CREB5: variants seen among roughly 807,000 people sequenced by gnomAD.
The protein encoded by CREB5 is cAMP responsive element binding protein 5.
Under a neutral mutation model 57.1 loss-of-function variants are expected in CREB5, and 19 were observed. That is an observed-to-expected ratio of 0.33 (90% confidence interval 0.23 to 0.49). CREB5 has a LOEUF of 0.49. Ranked by LOEUF, CREB5 falls within the 20% of genes least tolerant of loss-of-function variation. The probability of loss-of-function intolerance (pLI) is 0.99; values close to 1 mark genes in which losing one functional copy is unlikely to be tolerated. For synonymous variants in CREB5, 238 were observed against 238.3 expected (o/e 1.00, Z 0.01); for missense variants, 579 against 671.6 (o/e 0.86, Z 1.52).
chr7:28,453,958 C>CTTTTTTTTTTTTTTT lies in CREB5; in HGVS notation c.4-34204_4-34203insTTTTTTTTTTTTTTT, dbSNP rs70977045. Among the ~76,000 whole-genome samples the CTTTTTTTTTTTTTTT allele has an allele frequency of 2.3e-4, 31 of 132,564 alleles. 4 individuals are homozygous for CTTTTTTTTTTTTTTT. The highest frequency in any genetic ancestry group is 2.7e-4 in the Non-Finnish European group (17 of 62,410). The allele number at this position is 132,564 out of a possible 152,430, so 87.0% of individuals were successfully genotyped here. A position where few individuals can be genotyped will look rare whatever the true frequency, so the allele number is the denominator to read the frequency against. The stretch of plus-strand genomic sequence containing the variant: ...AACTGAAAGAGACTCCTCTCCAATT[C>CTTTTTTTTTTTTTTT]TTTTTTTTTTTTTGAGATGGAGTCT... On this transcript the variant is annotated intron_variant, in intron 1 of 10. Transcript: ENST00000357727.
At position 28,664,014 on chromosome 7, in the gene CREB5, C is replaced by A. The variant is rs76863247; in HGVS notation, c.465-54739C>A. Among the ~76,000 whole-genome samples the A allele has an allele frequency of 4.0e-3, 614 of 152,264 alleles. 5 individuals carry two copies. Among genetic ancestry groups the A allele is most frequent in the African/African-American group, 0.014 (577 of 41,550 alleles). ...TGGAAAACCATACAGATTCCAGGACCCCACCTTCCCAAAGATCTCAAGTGA... is the reference window on the plus strand; with the variant it reads ...TGGAAAACCATACAGATTCCAGGACACCACCTTCCCAAAGATCTCAAGTGA... On this transcript the variant is annotated intron_variant, in intron 5 of 10. Transcript: ENST00000357727.
intron 5 of CREB5, among the ~76,000 whole-genome samples, chr7:28,579,120 C>A (rs1325423499): frequency 6.6e-6 from 1 of 152,180 alleles, no homozygotes; most frequent in East Asian, 1.9e-4. Context: ...GGGGGCCTGA[C>A]TTTTCCATCT....
intron 8 of CREB5, among the ~76,000 whole-genome samples, chr7:28,806,659 T>C (rs144551546): frequency 5.9e-5 from 9 of 152,318 alleles, no homozygotes; most frequent in African/African-American, 2.2e-4. Context: ...TCCTCCTGCA[T>C]GTAAGGATGT....
At chr7:28,512,438 A>T (rs767464645) in intron 4 of CREB5, among the ~76,000 whole-genome samples, 17 of 152,236 alleles carry the variant, frequency 1.1e-4, no homozygotes, top group Non-Finnish European at 2.1e-4. Context: ...GAAATCAAGT[A>T]GGGAAGCCCA....
At chr7:28,433,184 T>C (rs1272041235) in intron 1 of CREB5, among the ~76,000 whole-genome samples, 1 of 152,202 alleles carries the variant, frequency 6.6e-6, no homozygotes, top group Non-Finnish European at 1.5e-5. Context: ...AAAGGAATTA[T>C]TCCAACGAGT....
chr7:28,803,304 AAAG>A lies in CREB5; in HGVS notation c.703-893_703-891del, dbSNP rs148129461. ...CCATAAGAAAAATCATGGTAACAGA[AAAG>A]ACCTACACATTACCTCCGAAGCTTG... On this transcript the variant is annotated intron_variant, in intron 7 of 10. Transcript: ENST00000357727. Among the ~76,000 whole-genome samples, 176 of 152,182 alleles carry A rather than the reference AAAG, an allele frequency of 1.2e-3. 1 individual carries two copies. Among genetic ancestry groups the A allele is most frequent in the Non-Finnish European group, 2.1e-3 (140 of 67,976 alleles).
At chr7:28,766,951 C>G (rs1806034914) in intron 7 of CREB5, among the ~76,000 whole-genome samples, 1 of 152,220 alleles carries the variant, frequency 6.6e-6, no homozygotes, top group Non-Finnish European at 1.5e-5. Flanking sequence ...GACAGGTCAT[C>G]TGCACTCCAG....
Position 28,684,076 on chromosome 7 carries a change from A to G in CREB5, c.465-34677A>G, listed in dbSNP as rs143714547. 9.2e-4 allele frequency among the ~76,000 whole-genome samples: 140 copies of G among 152,338 alleles called. 1 individual carries two copies. The highest frequency in any genetic ancestry group is 3.3e-3 in the African/African-American group (138 of 41,570). ...CAAGATGGTCAATGGCTCATTTAAA[A>G]AGGAAAAAGTAGCTTATGCAAAATC... On this transcript the variant is annotated intron_variant, in intron 5 of 10. Coordinates refer to ENST00000357727, the MANE Select transcript of CREB5 (RefSeq NM_182898.4).
intron 7 of CREB5, among the ~76,000 whole-genome samples, chr7:28,733,482 C>T (rs961211881): frequency 4.6e-5 from 7 of 152,164 alleles, no homozygotes; most frequent in Admixed American, 1.3e-4. Context: ...CTGGCTGCCC[C>T]GCCTAGACTT....
chr7:28,356,549 C>T (rs551783028), intron 1 of CREB5, among the ~76,000 whole-genome samples: 6 of 152,294 alleles, frequency 3.9e-5, no homozygotes, highest in East Asian at 1.9e-4. Context: ...TGGGGGCGAA[C>T]GTGATAACCT....
chr7:28,548,554 A>G (rs918690192), intron 4 of CREB5, among the ~76,000 whole-genome samples: 2 of 152,204 alleles, frequency 1.3e-5, no homozygotes, highest in Non-Finnish European at 2.9e-5. Context: ...AGAAAGTTAA[A>G]CATGCAGAAA....
intron 1 of CREB5, among the ~76,000 whole-genome samples, chr7:28,443,507 A>T (rs1437217721): frequency 6.6e-6 from 1 of 152,228 alleles, no homozygotes; most frequent in Non-Finnish European, 1.5e-5. Context: ...CTCTGCTGCT[A>T]GGACATACAT....
intron 7 of CREB5, among the ~76,000 whole-genome samples, chr7:28,735,029 C>T (rs140124745): frequency 2.0e-5 from 3 of 152,294 alleles, no homozygotes; most frequent in African/African-American, 7.2e-5. Flanking sequence ...AATTAACCAG[C>T]TTCACCACCT....
intron 4 of CREB5, among the ~76,000 whole-genome samples, chr7:28,524,316 A>AACACACACACACACACACAC (rs4000595): frequency 1.5e-5 from 2 of 136,574 alleles, no homozygotes; most frequent in East Asian, 2.2e-4. Flanking sequence ...GCCTCTACTA[A>AACACACACACACACACACAC]ACACACACAC....
Position 28,570,401 on chromosome 7 carries a change from A to AGAGGGC in CREB5, c.328_329insGAGGGC (p.Thr110delinsArgGlyPro), listed in dbSNP as rs1350061075. On this transcript the variant is annotated protein_altering_variant, in exon 5 of 11. Coordinates refer to ENST00000357727, the MANE Select transcript of CREB5 (RefSeq NM_182898.4). ...GCATAATGCAGTTGGTGGGGCCATG[A>AGAGGGC]CGGGGCCCGGAACTCACCAGCTTAG... is the stretch of plus-strand genomic sequence containing the variant. 6.2e-7 allele frequency: 1 copy of AGAGGGC among 1,613,980 alleles called. No individual in the cohort carries two copies. The highest frequency in any genetic ancestry group is 8.5e-7 in the Non-Finnish European group (1 of 1,179,914).
In CREB5 at chr7:28,412,937, T is replaced by C; in HGVS notation, c.3+20T>C. Reference sequence around the variant, plus strand: ...ATAATGGTAAGGATGATGTTTATTATGCATATTAAACAGAGAGAAAACTTT... The same window carrying C: ...ATAATGGTAAGGATGATGTTTATTACGCATATTAAACAGAGAGAAAACTTT... On this transcript the variant is annotated intron_variant, in intron 1 of 10. Coordinates refer to ENST00000357727, the MANE Select transcript of CREB5 (RefSeq NM_182898.4). The C allele has an allele frequency of 2.8e-6, 4 of 1,449,102 alleles. No individual in the cohort carries two copies. Among genetic ancestry groups the C allele is most frequent in the South Asian group, 1.7e-5 (1 of 59,280 alleles). The allele number at this position is 1,449,102 out of a possible 1,614,324, so 89.8% of individuals were successfully genotyped here.
Position 28,308,170 on chromosome 7 carries a change from G to A in CREB5, c.-25+8729G>A, listed in dbSNP as rs138090322. ...CATGAGTCCGTTTCCTAAGGCAACAGGAAACCTTGGAAGAATTTTAATTAA... is the reference window on the plus strand; with the variant it reads ...CATGAGTCCGTTTCCTAAGGCAACAAGAAACCTTGGAAGAATTTTAATTAA... On this transcript the variant is annotated intron_variant, in intron 1 of 9. Coordinates refer to the CREB5 transcript ENST00000396299. Among the ~76,000 whole-genome samples, 417 of 152,322 alleles carry A rather than the reference G, an allele frequency of 2.7e-3. 2 individuals are homozygous for A. Among genetic ancestry groups the A allele is most frequent in the African/African-American group, 8.7e-3 (362 of 41,572 alleles).
In CREB5 at chr7:28,420,820, A is replaced by AT. The variant is rs1470717358; in HGVS notation, c.3+7903_3+7904insT. 5.3e-4 allele frequency among the ~76,000 whole-genome samples: 81 copies of AT among 151,684 alleles called. 2 individuals are homozygous for AT. The highest frequency in any genetic ancestry group is 2.4e-3 in the Admixed American group (36 of 15,254). On this transcript the variant is annotated intron_variant, in intron 1 of 10. Transcript: ENST00000357727. ...AAGACTCCATCTCAAAAAAAAAAAA[A>AT]AAAAAAAAAGGTTAGGGTGGCAAGT...
intron 5 of CREB5, among the ~76,000 whole-genome samples, chr7:28,605,453 G>GA (rs1797093491): frequency 6.6e-6 from 1 of 152,152 alleles, no homozygotes; most frequent in African/African-American, 2.4e-5. Context: ...GGACTGTGTG[G>GA]AAAAGAGTAT....
Sources: allele counts gnomAD v4.1 joint callset (sites outside exome capture counted in the v4.1 genomes callset), GRCh38; gene constraint gnomAD v4.1.1; transcripts MANE v1.5; gene names NCBI Gene and HGNC (gene_info 2026-07-23, HGNC 2026-07-21).